The following WNK3 variants were observed in gnomAD, a reference collection of about 807,000 sequenced individuals.
The protein encoded by WNK3 is serine/threonine-protein kinase WNK3.
A neutral mutation model predicts 116.7 loss-of-function variants in WNK3; 18 were observed. The ratio of observed to expected loss-of-function variants is 0.15; its 90% CI spans 0.11 to 0.23. WNK3 has a LOEUF of 0.23. WNK3 is among the 10% of genes least tolerant of loss of function. The pLI is 1.00. For missense variants in WNK3, 993 were observed against 1,323.8 expected (o/e 0.75, Z 3.88); for synonymous variants, 404 against 469.4 (o/e 0.86, Z 1.80).
intron 10 of WNK3, among the ~76,000 whole-genome samples, chrX:54,276,051 CTG>C (rs2068443373): frequency 9.0e-6 from 1 of 111,178 alleles, no homozygotes; most frequent in South Asian, 3.8e-4. Flanking sequence ...AAAAAAATGA[CTG>C]TGTAGGCTGG....
intron 2 of WNK3, among the ~76,000 whole-genome samples, chrX:54,320,933 G>A (rs1367856565): frequency 3.7e-5 from 4 of 109,331 alleles, no homozygotes; most frequent in Non-Finnish European, 7.6e-5. Flanking sequence ...GTCTTGCTCT[G>A]TCACCCAGGC....
intron 10 of WNK3, among the ~76,000 whole-genome samples, chrX:54,282,195 C>T (rs1237565432): frequency 9.2e-6 from 1 of 109,132 alleles, no homozygotes; most frequent in Non-Finnish European, 1.9e-5. Flanking sequence ...TACATGCCAC[C>T]ACACCTAGCT....
At chrX:54,344,962 T>A (rs1187207500) in intron 1 of WNK3, among the ~76,000 whole-genome samples, 110 of 65,710 alleles carry the variant, frequency 1.7e-3, no homozygotes, top group East Asian at 3.0e-3. Context: ...AAAAAAAAAA[T>A]TTTGAGGCCG....
At chrX:54,283,551 C>T (rs1603389792) in intron 10 of WNK3, among the ~76,000 whole-genome samples, 1 of 110,363 alleles carries the variant, frequency 9.1e-6, no homozygotes. Context: ...GGGTGGATCA[C>T]GAGGTCAGGA....
At chrX:54,335,608 T>C (rs2069224685) in intron 1 of WNK3, among the ~76,000 whole-genome samples, 1 of 21,895 alleles carries the variant, frequency 4.6e-5, no homozygotes, top group African/African-American at 1.8e-4. Flanking sequence ...AAACCAAAAA[T>C]GCACAGAAAT....
At chrX:54,283,222 T>A (rs965103500) in intron 10 of WNK3, among the ~76,000 whole-genome samples, 1 of 111,167 alleles carries the variant, frequency 9.0e-6, no homozygotes, top group Non-Finnish European at 1.9e-5. Context: ...GGTGGGAGGA[T>A]TGCTTGAGAC....
At chrX:54,215,139 A>AC (rs2067671563) in intron 22 of WNK3, among the ~76,000 whole-genome samples, 1 of 102,342 alleles carries the variant, frequency 9.8e-6, no homozygotes, top group East Asian at 3.0e-4. Flanking sequence ...AAAAAAAAAA[A>AC]CACCATCTCC....
chrX:54,299,449 GT>G (rs11383477), intron 6 of WNK3, among the ~76,000 whole-genome samples: 83 of 83,671 alleles, frequency 9.9e-4, no homozygotes, highest in South Asian at 2.8e-3. Context: ...GTGTTTTGGT[GT>G]TTTTTTTTTT....
At chrX:54,297,085 T>C (rs1203800199) in intron 7 of WNK3, among the ~76,000 whole-genome samples, 1 of 111,178 alleles carries the variant, frequency 9.0e-6, no homozygotes, top group Non-Finnish European at 1.9e-5. Context: ...TTGTAAACTC[T>C]TAGGGAAACT....
intron 1 of WNK3, among the ~76,000 whole-genome samples, chrX:54,335,133 C>T (rs932245217): frequency 1.8e-5 from 2 of 109,515 alleles, no homozygotes; most frequent in Non-Finnish European, 3.8e-5. Context: ...GGTGTGGTGG[C>T]GGGCACCTGT....
exon 16 of WNK3, chrX:54,250,048 G>C: frequency 3.3e-6 from 4 of 1,204,594 alleles, no homozygotes; most frequent in Non-Finnish European, 3.4e-6. Context: ...AGAGAAGGAG[G>C]AGACTGAGTC....
At chrX:54,330,932 C>T (rs2069162243) in intron 2 of WNK3, among the ~76,000 whole-genome samples, 1 of 111,017 alleles carries the variant, frequency 9.0e-6, no homozygotes, top group Non-Finnish European at 1.9e-5. Flanking sequence ...AGAATTGCTT[C>T]AGCCTGGGAG....
At chrX:54,291,238 G>A (rs1379756530) in intron 10 of WNK3, among the ~76,000 whole-genome samples, 1 of 110,532 alleles carries the variant, frequency 9.0e-6, no homozygotes, top group Non-Finnish European at 1.9e-5. Flanking sequence ...GTTTGAACCC[G>A]GGAGGCGGAG....
At chrX:54,236,827 T>C (rs1404191449) in intron 20 of WNK3, 111 bp downstream of exon 20, 3 of 895,612 alleles carry the variant, frequency 3.3e-6, no homozygotes, top group Non-Finnish European at 4.6e-6. Flanking sequence ...GCATTCTTTG[T>C]AGTTTTCAAT....
intron 5 of WNK3, 76 bp from the exon 6 acceptor site, chrX:54,301,935 AT>A: frequency 4.2e-6 from 3 of 714,428 alleles, no homozygotes; most frequent in Non-Finnish European, 2.2e-6. Context: ...ATTAAACATT[AT>A]TTTTATCACT....
intron 22 of WNK3, among the ~76,000 whole-genome samples, chrX:54,214,402 G>C (rs1178054984): frequency 1.8e-5 from 2 of 111,911 alleles, no homozygotes; most frequent in East Asian, 5.6e-4. Flanking sequence ...AAACTCTTCA[G>C]AAAATAGAAA....
chrX:54,318,304 G>T (rs1400658798), intron 2 of WNK3, among the ~76,000 whole-genome samples: 1 of 107,271 alleles, frequency 9.3e-6, no homozygotes, highest in Non-Finnish European at 1.9e-5. Context: ...GGGTTGCAGT[G>T]AGCTGATATC....
chrX:54,264,831 A>T (rs1472512527), intron 10 of WNK3, among the ~76,000 whole-genome samples: 1 of 110,048 alleles, frequency 9.1e-6, no homozygotes, highest in African/African-American at 3.3e-5. Flanking sequence ...CTTTCTACAG[A>T]TATTTGGAAA....
At chrX:54,276,598 T>A (rs2068450872) in intron 10 of WNK3, among the ~76,000 whole-genome samples, 1 of 111,020 alleles carries the variant, frequency 9.0e-6, no homozygotes, top group South Asian at 3.8e-4. Context: ...TCCAAGGACA[T>A]GAAGGCTGTT....
Sources: gnomAD v4.1 joint callset for allele counts (sites outside exome capture counted in the v4.1 genomes callset) on GRCh38, gnomAD v4.1.1 for gene constraint, MANE v1.5 for transcripts, NCBI Gene and HGNC (gene_info 2026-07-23, HGNC 2026-07-21) for gene names.